CNTN6: variants seen among roughly 807,000 people sequenced by gnomAD.
CNTN6 encodes contactin 6.
A neutral mutation model predicts 122.8 loss-of-function variants in CNTN6; 137 were observed. The observed-to-expected ratio is 1.12, with a 90% CI of 0.97 to 1.29. The LOEUF (loss-of-function observed/expected upper bound fraction) is 1.29. Ranked by LOEUF, CNTN6 falls within the 50% of genes most tolerant of loss-of-function variation. The pLI is 0.00. For missense variants in CNTN6, 1,634 were observed against 1,223.4 expected (o/e 1.34, Z -5.01); for synonymous variants, 570 against 426.0 (o/e 1.34, Z -4.16).
At chr3:1,310,185 T>C (rs1699012243) in intron 7 of CNTN6, among the ~76,000 whole-genome samples, 1 of 152,196 alleles carries the variant, frequency 6.6e-6, no homozygotes. Flanking sequence ...GTAAACATGC[T>C]TGCCTTTTTC....
intron 4 of CNTN6, among the ~76,000 whole-genome samples, chr3:1,230,957 G>A (rs2094345495): frequency 6.6e-6 from 1 of 152,186 alleles, no homozygotes; most frequent in Non-Finnish European, 1.5e-5. Context: ...GCTTTTGCAA[G>A]TGATGTGCCA....
chr3:1,331,114 T>C (rs9682056), intron 11 of CNTN6, among the ~76,000 whole-genome samples: 230 of 152,086 alleles, frequency 1.5e-3, no homozygotes, highest in African/African-American at 4.7e-3. Flanking sequence ...GTGGTTTGTG[T>C]AGAGTCCCTT....
intron 4 of CNTN6, among the ~76,000 whole-genome samples, chr3:1,232,681 CAG>C (rs1031933351): frequency 9.2e-5 from 14 of 152,270 alleles, no homozygotes; most frequent in Admixed American, 3.3e-4. Flanking sequence ...CAAATCCAGA[CAG>C]AGTGAAGAGT....
chr3:1,274,749 T>C (rs534160757), intron 4 of CNTN6, among the ~76,000 whole-genome samples: 2 of 152,296 alleles, frequency 1.3e-5, no homozygotes, highest in African/African-American at 4.8e-5. Context: ...ATCTGAACTT[T>C]GTATCAGTCA....
intron 17 of CNTN6, among the ~76,000 whole-genome samples, chr3:1,381,344 T>A (rs933939377): frequency 6.6e-6 from 1 of 152,206 alleles, no homozygotes; most frequent in Non-Finnish European, 1.5e-5. Context: ...TCCCCAGATG[T>A]CCGGAGCAGC....
chr3:1,245,694 G>A (rs1208680172), intron 4 of CNTN6, among the ~76,000 whole-genome samples: 2 of 151,430 alleles, frequency 1.3e-5, no homozygotes, highest in African/African-American at 2.4e-5. Flanking sequence ...AATAAAAAAA[G>A]GAATATAAAT....
chr3:1,242,522 C>A (rs891628189), intron 4 of CNTN6, among the ~76,000 whole-genome samples: 3 of 152,214 alleles, frequency 2.0e-5, no homozygotes, highest in Admixed American at 6.5e-5. Context: ...AGGCTTTAAT[C>A]CTTTGAAAGC....
chr3:1,382,577 ATAGT>A (rs1305619541), intron 17 of CNTN6, among the ~76,000 whole-genome samples: 3 of 151,906 alleles, frequency 2.0e-5, no homozygotes, highest in Non-Finnish European at 4.4e-5. Context: ...CTTGAAATAA[ATAGT>A]TAAGAAGTTA....
intron 12 of CNTN6, among the ~76,000 whole-genome samples, chr3:1,366,347 C>A (rs551037837): frequency 2.5e-4 from 38 of 152,182 alleles, no homozygotes; most frequent in African/African-American, 9.2e-4. Context: ...TGTTATAATT[C>A]AGGCCCTAAA....
intron 2 of CNTN6, among the ~76,000 whole-genome samples, chr3:1,195,535 C>T (rs1179299204): frequency 6.6e-6 from 1 of 152,138 alleles, no homozygotes; most frequent in African/African-American, 2.4e-5. Context: ...GAAAACACTA[C>T]CAAACTCTTG....
chr3:1,224,503 T>G (rs900859842), intron 3 of CNTN6, among the ~76,000 whole-genome samples: 1 of 152,156 alleles, frequency 6.6e-6, no homozygotes, highest in African/African-American at 2.4e-5. Context: ...ACAAAATGCA[T>G]ACATGTATGA....
chr3:1,118,505 C>T (rs968255207), intron 1 of CNTN6, among the ~76,000 whole-genome samples: 5 of 152,066 alleles, frequency 3.3e-5, no homozygotes, highest in African/African-American at 7.2e-5. Flanking sequence ...GTCCTAAGTC[C>T]CCCAATAATG....
At position 1,158,951 on chromosome 3, in the gene CNTN6, T is replaced by TGTAC. The variant is rs546466467; in HGVS notation, c.55+10888_55+10889insGTAC. Among the ~76,000 whole-genome samples the TGTAC allele has an allele frequency of 2.6e-3, 307 of 116,686 alleles. 12 individuals are homozygous for TGTAC. The Middle Eastern group carries it at 0.029, about 11-fold the overall frequency. 76.6% of individuals were successfully genotyped at this position (116,686 alleles called of 152,430 possible). A position where few individuals can be genotyped will look rare whatever the true frequency, so the allele number is the denominator to read the frequency against. On this transcript the variant is annotated intron_variant, in intron 2 of 22. Transcript: ENST00000446702. ...ATATATACACACACACATATATATA[T>TGTAC]ATACACACACACACACACATATATA...
At chr3:1,379,485 G>C (rs1264003588) in intron 17 of CNTN6, among the ~76,000 whole-genome samples, 2 of 152,034 alleles carry the variant, frequency 1.3e-5, no homozygotes, top group Admixed American at 6.6e-5. Context: ...TCACTACCTG[G>C]GTGACGGGAT....
chr3:1,093,534 T>C (rs1435695100), intron 1 of CNTN6, among the ~76,000 whole-genome samples: 1 of 152,052 alleles, frequency 6.6e-6, no homozygotes, highest in Non-Finnish European at 1.5e-5. Flanking sequence ...TGTCTTTTTT[T>C]TTTTTTTAAT....
chr3:1,113,997 C>T (rs564202660), intron 1 of CNTN6, among the ~76,000 whole-genome samples: 15 of 152,206 alleles, frequency 9.9e-5, no homozygotes, highest in African/African-American at 3.6e-4. Flanking sequence ...GATTTTCGTG[C>T]ACAGAGGCAG....
intron 17 of CNTN6, among the ~76,000 whole-genome samples, chr3:1,381,055 C>A (rs1276756791): frequency 6.6e-6 from 1 of 152,118 alleles, no homozygotes; most frequent in East Asian, 1.9e-4. Context: ...CCCCTCTAAT[C>A]TGCATATGTT....
At chr3:1,135,705 T>C (rs1261498993) in intron 1 of CNTN6, among the ~76,000 whole-genome samples, 2 of 152,068 alleles carry the variant, frequency 1.3e-5, no homozygotes, top group Admixed American at 1.3e-4. Flanking sequence ...AAAAAGAAGT[T>C]ATGAGGCCAG....
At chr3:1,394,589 T>C (rs1269945651) in intron 20 of CNTN6, 2 of 152,140 alleles carry the variant, frequency 1.3e-5, no homozygotes, top group African/African-American at 2.4e-5. Flanking sequence ...ATATTCTATA[T>C]ATATATATCA....
Sources: gnomAD v4.1 joint callset for allele counts (sites outside exome capture counted in the v4.1 genomes callset) on GRCh38, gnomAD v4.1.1 for gene constraint, MANE v1.5 for transcripts, NCBI Gene and HGNC (gene_info 2026-07-23, HGNC 2026-07-21) for gene names.